Variants in MUC5B observed in about 807,000 individuals in gnomAD.
MUC5B encodes the protein mucin 5B, oligomeric mucus/gel-forming.
A neutral mutation model predicts 376.9 loss-of-function variants in MUC5B; 116 were observed. The ratio of observed to expected loss-of-function variants is 0.31; its 90% CI spans 0.26 to 0.36. The LOEUF (loss-of-function observed/expected upper bound fraction) is 0.36. Among genes scored for constraint, MUC5B ranks in the 10% least tolerant of loss-of-function variants. MUC5B has a pLI of 1.00. For missense variants in MUC5B, 7,165 were observed against 7,769.9 expected (o/e 0.92, Z 2.93); for synonymous variants, 3,517 against 3,390.9 (o/e 1.04, Z -1.29).
intron 48 of MUC5B, 77 bp downstream of exon 48, chr11:1,260,805 C>A: frequency 8.8e-7 from 1 of 1,135,194 alleles, no homozygotes; most frequent in South Asian, 1.3e-5. Flanking sequence ...TGGCTGGCAG[C>A]CTGCTCTGGG....
Position 1,242,337 on chromosome 11 carries a change from C to A in MUC5B, c.5457C>A (p.Gly1819=), listed in dbSNP as rs1403037961. 9.3e-6 allele frequency: 15 copies of A among 1,613,756 alleles called. No homozygotes were observed. In the African/African-American group the frequency reaches 9.3e-5, roughly 10 times the overall value. The change falls in exon 31 of 49, where the codon GGC becomes GGA. Residue 1819 remains glycine (G), a synonymous_variant. Coordinates refer to ENST00000529681, the MANE Select transcript of MUC5B (RefSeq NM_002458.3). ...ETFENIRAAG[G]KMCWAPKSIE... ...TTGAAAACATCAGGGCTGCTGGGGG[C>A]AAGATGTGCTGGGCACCAAAGAGCA...
chr11:1,234,712 G>T lies in MUC5B; in HGVS notation c.2630+32G>T, dbSNP rs1452413329. On this transcript the variant is annotated intron_variant, in intron 21 of 48. Coordinates refer to ENST00000529681, the MANE Select transcript of MUC5B (RefSeq NM_002458.3). This position sits in a 1 kb window ranked among gnomAD's most constrained non-coding sequence, Gnocchi z 6.3. ...CGTGAGTCTCTCGGAGGCAGCAGGT[G>T]GGGAGGGCGGGGGCGGGGAGGGCAG... 1.0e-5 allele frequency: 13 copies of T among 1,296,980 alleles called. No individual in the cohort carries two copies. Among genetic ancestry groups the T allele is most frequent in the Non-Finnish European group, 1.2e-5 (12 of 968,284 alleles). The allele number at this position is 1,296,980 out of a possible 1,614,324, so 80.3% of individuals were successfully genotyped here. A position where few individuals can be genotyped will look rare whatever the true frequency, so the allele number is the denominator to read the frequency against.
rs1247646922 is a variant in MUC5B at position 1,258,909 on chromosome 11, G to A, written c.16594-33G>A. 1.3e-6 allele frequency: 2 copies of A among 1,549,316 alleles called. No individual in the cohort carries two copies. The highest frequency in any genetic ancestry group is 1.2e-5 in the South Asian group (1 of 84,020). ...GGGTCCTGGCCCTGTTGCCCCACCA[G>A]TGCCCTCAGTGCCACCCTCCCACCC... On this transcript the variant is annotated intron_variant, in intron 43 of 48. Coordinates refer to ENST00000529681, the MANE Select transcript of MUC5B (RefSeq NM_002458.3). The surrounding 1 kb of genome is among the most constrained non-coding windows in gnomAD (Gnocchi z 5.5).
intron 37 of MUC5B, 71 bp from the exon 38 acceptor site, chr11:1,256,085 G>T (rs1333051420): frequency 1.9e-5 from 13 of 695,680 alleles, no homozygotes; most frequent in Non-Finnish European, 2.9e-5. Flanking sequence ...TGAGTGTCCT[G>T]TGCGGTGATT....
chr11:1,236,893 T>A, intron 24 of MUC5B, 32 bp from the exon 25 acceptor site: 1 of 1,404,366 alleles, frequency 7.1e-7, no homozygotes, highest in Non-Finnish European at 9.3e-7. Flanking sequence ...TGGCCCCAGC[T>A]CCAGGGCCCC....
chr11:1,239,484 C>G lies in MUC5B; in HGVS notation c.3501C>G (p.His1167Gln). The G allele has an allele frequency of 6.2e-7, 1 of 1,607,342 alleles. No individual in the cohort carries two copies. The highest frequency in any genetic ancestry group is 8.5e-7 in the Non-Finnish European group (1 of 1,175,608). Residue 1167 changes from histidine to glutamine, a missense_variant, in exon 27 of 49, where the codon CAC becomes CAG. His to Gln is a conservative substitution (Grantham distance 24). This residue lies in a region of MUC5B where 517 missense variants were observed against 545.3 expected (regional missense o/e 0.95). Coordinates refer to ENST00000529681, the MANE Select transcript of MUC5B (RefSeq NM_002458.3). ...FYNPHGGCEW[H>Q]YQPCGAPCLK... ...ACCCACATGGGGGCTGTGAGTGGCA[C>G]TACCAGCCCTGCGGGGCACCCTGCC...
chr11:1,258,451 T>C lies in MUC5B; in HGVS notation c.16593+84T>C, dbSNP rs949230898. The C allele has an allele frequency of 4.3e-5, 64 of 1,503,424 alleles. No individual in the cohort carries two copies. Among genetic ancestry groups the C allele is most frequent in the Non-Finnish European group, 5.4e-5 (60 of 1,103,256 alleles). 93.1% of individuals were successfully genotyped at this position (1,503,424 alleles called of 1,614,324 possible). On this transcript the variant is annotated intron_variant, in intron 43 of 48. Transcript: ENST00000529681. The surrounding 1 kb of genome is among the most constrained non-coding windows in gnomAD (Gnocchi z 5.5). ...CCCGGGGCTCTCTGAGCCCCACTCC[T>C]TGTCTTGACATTCCTGCCCTGAGGG...
chr11:1,260,093 C>T lies in MUC5B; in HGVS notation c.16923+8C>T. On this transcript the variant is annotated splice_region_variant and intron_variant, in intron 46 of 48. Transcript: ENST00000529681. Reference sequence around the variant, plus strand: ...GATGTGTCCAGCTGCAGGGTGTGTGCTGGAGGCCCTGCCCCTGCCTGGGAG... The same window carrying T: ...GATGTGTCCAGCTGCAGGGTGTGTGTTGGAGGCCCTGCCCCTGCCTGGGAG... 6.2e-7 allele frequency: 1 copy of T among 1,611,974 alleles called. No homozygotes were observed. Among genetic ancestry groups the T allele is most frequent in the Non-Finnish European group, 8.5e-7 (1 of 1,179,410 alleles).
rs751752503 is a variant in MUC5B, at chr11:1,248,639, C to T, written c.11759C>T (p.Thr3920Ile). The T allele has an allele frequency of 3.8e-6, 6 of 1,568,982 alleles. 1 individual carries two copies. In the South Asian group the frequency reaches 4.6e-5, roughly 12 times the overall value. The change falls in exon 31 of 49, where the codon ACC becomes ATC. Residue 3920 changes from threonine (T) to isoleucine (I), a missense_variant. Thr to Ile is a moderately conservative substitution (Grantham distance 89). Transcript: ENST00000529681. The stretch of plus-strand genomic sequence containing the variant: ...ACCACCCACACCCCCACAGTGCTGA[C>T]CACCACCACCACAACTGTGGCCACT... ...PGTTHTPTVL[T>I]TTTTTVATGS... is the part of the protein sequence containing the mutation.
chr11:1,251,514 A>C lies in MUC5B; in HGVS notation c.14634A>C (p.Lys4878Asn), dbSNP rs779342581. 10 of 1,613,012 alleles carry C rather than the reference A, an allele frequency of 6.2e-6. No individual in the cohort carries two copies. The Admixed American group carries it at 1.7e-4, about 27-fold the overall frequency. The change falls in exon 31 of 49, where the codon AAA becomes AAC. Residue 4878 changes from lysine to asparagine, a missense_variant. This residue lies in a region of MUC5B where 730 missense variants were observed against 592.7 expected (regional missense o/e 1.23). Coordinates refer to ENST00000529681, the MANE Select transcript of MUC5B (RefSeq NM_002458.3). ...CTCTGGGAACAGCTCACACCCCCAAAGTGGTGACCACCATGGCCACTATGC... is the reference window on the plus strand; with the variant it reads ...CTCTGGGAACAGCTCACACCCCCAACGTGGTGACCACCATGGCCACTATGC... The part of the protein sequence containing the change: ...SSTLGTAHTP[K>N]VVTTMATMPT...
intron 17 of MUC5B, 57 bp downstream of exon 17, chr11:1,232,827 C>A: frequency 6.6e-7 from 1 of 1,519,832 alleles, no homozygotes; most frequent in East Asian, 2.3e-5. Context: ...TGCGGGGGAC[C>A]CTGGCCGGCA....
chr11:1,224,742 C>T (rs931634035), intron 1 of MUC5B, among the ~76,000 whole-genome samples: 2 of 152,094 alleles, frequency 1.3e-5, no homozygotes, highest in African/African-American at 4.8e-5. Flanking sequence ...TCTCTGGAGG[C>T]GGCCCCTGTG....
At position 1,262,112 on chromosome 11, in the gene MUC5B, T is replaced by A. The variant is rs1863013299; in HGVS notation, c.*504T>A. 1 of 520,208 alleles carries A rather than the reference T, an allele frequency of 1.9e-6. No homozygotes were observed. The highest frequency in any genetic ancestry group is 4.0e-6 in the Non-Finnish European group (1 of 252,622). 32.2% of individuals were successfully genotyped at this position (520,208 alleles called of 1,614,324 possible). On this transcript the variant is annotated 3_prime_UTR_variant, in exon 49 of 49. Transcript: ENST00000529681. The stretch of plus-strand genomic sequence containing the variant: ...CGGCCAGGTCAGAGAGGGGTCAGCA[T>A]CCCAAAGCCCCCTCTGCTCAACCCA...
chr11:1,223,369 C>T (rs1861802482), intron 1 of MUC5B, 176 bp downstream of exon 1: 3 of 688,050 alleles, frequency 4.4e-6, no homozygotes, highest in Non-Finnish European at 2.7e-6. Flanking sequence ...GCCCCACGGG[C>T]TCACAGTGTC....
chr11:1,253,027 A>T lies in MUC5B; in HGVS notation c.15217+47A>T. 1 of 1,523,256 alleles carries T rather than the reference A, an allele frequency of 6.6e-7. No individual in the cohort carries two copies. The highest frequency in any genetic ancestry group is 8.9e-7 in the Non-Finnish European group (1 of 1,122,530). 94.4% of individuals were successfully genotyped at this position (1,523,256 alleles called of 1,614,324 possible). ...GGATTACCCCGGGGGCAGGTGGAGCAGAGTGCACCGTCGGCTAGGCTGGCA... is the reference window on the plus strand; with the variant it reads ...GGATTACCCCGGGGGCAGGTGGAGCTGAGTGCACCGTCGGCTAGGCTGGCA... On this transcript the variant is annotated intron_variant, in intron 33 of 48. Coordinates refer to ENST00000529681, the MANE Select transcript of MUC5B (RefSeq NM_002458.3). This position sits in a 1 kb window ranked among gnomAD's most constrained non-coding sequence, Gnocchi z 4.3.
At position 1,246,447 on chromosome 11, in the gene MUC5B, T is replaced by C. The variant is rs984085372; in HGVS notation, c.9567T>C (p.Thr3189=). 7 of 1,611,978 alleles carry C rather than the reference T, an allele frequency of 4.3e-6. No homozygotes were observed. The African/African-American group carries it at 6.7e-5, about 16-fold the overall frequency. ...STATASSTRA[T]AGTLKVLTST... Reference sequence around the variant, plus strand: ...CCACCGCCTCCTCCACCCGGGCAACTGCTGGCACCCTCAAAGTGCTGACCA... The same window carrying C: ...CCACCGCCTCCTCCACCCGGGCAACCGCTGGCACCCTCAAAGTGCTGACCA... Residue 3189 remains threonine, a synonymous_variant, in exon 31 of 49, where the codon ACT becomes ACC. Transcript: ENST00000529681.
chr11:1,229,418 A>C (rs1030745275), intron 9 of MUC5B, 123 bp downstream of exon 9: 1 of 1,188,340 alleles, frequency 8.4e-7, no homozygotes, highest in African/African-American at 1.5e-5. Context: ...CAGAGGGCCC[A>C]GGGTGGGAAG....
chr11:1,238,444 A>G (rs1345824694), intron 25 of MUC5B, among the ~76,000 whole-genome samples: 1 of 151,884 alleles, frequency 6.6e-6, no homozygotes, highest in Admixed American at 6.6e-5. Context: ...GGAGGCCAGT[A>G]CGACTGCAGC....
Position 1,251,541 on chromosome 11 carries a change from C to G in MUC5B, c.14661C>G (p.Pro4887=), listed in dbSNP as rs1325068857. The G allele has an allele frequency of 2.5e-6, 4 of 1,600,224 alleles. No homozygotes were observed. Among genetic ancestry groups the G allele is most frequent in the Admixed American group, 1.7e-5 (1 of 59,808 alleles). ...PKVVTTMATM[P]TATASTVPSS... ...TGGTGACCACCATGGCCACTATGCC[C>G]ACAGCCACTGCCTCCACGGTTCCCA... The change falls in exon 31 of 49, where the codon CCC becomes CCG. Residue 4887 remains proline, a synonymous_variant. Transcript: ENST00000529681.
Sources: gnomAD v4.1 joint callset for allele counts (sites outside exome capture counted in the v4.1 genomes callset) on GRCh38, gnomAD v4.1.1 for gene constraint, gnomAD v4.1.1 regional missense constraint, Gnocchi (gnomAD v3.1) non-coding constraint, MANE v1.5 for transcripts, NCBI Gene and HGNC (gene_info 2026-07-23, HGNC 2026-07-21) for gene names.